Variants in SMS observed in about 807,000 individuals in gnomAD.
The protein encoded by SMS is spermidine aminopropyltransferase.
A neutral mutation model predicts 33.0 loss-of-function variants in SMS; 3 were observed. The ratio of observed to expected loss-of-function variants is 0.09; its 90% confidence interval spans 0.04 to 0.23. The LOEUF (loss-of-function observed/expected upper bound fraction) is 0.23. SMS is among the 10% of genes least tolerant of loss of function. The probability of loss-of-function intolerance (pLI) is 1.00; values close to 1 mark genes in which losing one functional copy is unlikely to be tolerated. For missense variants in SMS, 117 were observed against 288.6 expected, an observed-to-expected ratio of 0.41 and a Z score of 4.31; for synonymous variants, 103 against 112.2, an observed-to-expected ratio of 0.92 and a Z score of 0.52.
chrX:21,967,395 C>T, intron 2 of SMS, 79 bp downstream of exon 2: 1 of 1,083,650 alleles, frequency 9.2e-7, no homozygotes, highest in South Asian at 1.9e-5. Flanking sequence ...ATGGGGGTGG[C>T]ATCCGGCATT....
intron 7 of SMS, among the ~76,000 whole-genome samples, chrX:21,980,730 A>G (rs1225837356): frequency 9.0e-6 from 1 of 110,968 alleles, no homozygotes; most frequent in African/African-American, 3.3e-5. Flanking sequence ...AAATCTAATT[A>G]TTTGTAGATG....
intron 7 of SMS, among the ~76,000 whole-genome samples, chrX:21,979,320 C>G (rs1331407473): frequency 2.7e-5 from 3 of 110,378 alleles, no homozygotes; most frequent in Non-Finnish European, 5.7e-5. Flanking sequence ...GCCCTGCATG[C>G]GTTAGGTATT....
At chrX:21,950,329 G>T (rs889136405) in intron 1 of SMS, among the ~76,000 whole-genome samples, 3 of 110,808 alleles carry the variant, frequency 2.7e-5, no homozygotes, top group African/African-American at 6.6e-5. Flanking sequence ...TTGTTCCTAC[G>T]TGGGGGTTTG....
In SMS at chrX:21,972,981, A is replaced by G. The variant is rs150380757; in HGVS notation, c.329+410A>G. Among the ~76,000 whole-genome samples, 1,057 of 109,644 alleles carry G rather than the reference A, an allele frequency of 9.6e-3. 4 individuals are homozygous for G. Among genetic ancestry groups the G allele is most frequent in the Middle Eastern group, 0.047 (10 of 214 alleles). ...TGGTCCCCAGTAGTGTCTGCTTAAG[A>G]TGTGGAAAAGATCAAACTCAGCACC... On this transcript the variant is annotated intron_variant, in intron 4 of 10. Transcript: ENST00000404933.
intron 4 of SMS, 98 bp from the exon 5 acceptor site, chrX:21,976,963 C>A: frequency 1.2e-6 from 1 of 806,859 alleles, no homozygotes; most frequent in Non-Finnish European, 1.9e-6. Flanking sequence ...TGTCAAAAGT[C>A]GGCAGTCATG....
At chrX:21,991,105 A>G (rs996475572) in intron 9 of SMS, among the ~76,000 whole-genome samples, 2 of 112,589 alleles carry the variant, frequency 1.8e-5, no homozygotes, top group Non-Finnish European at 3.7e-5. Flanking sequence ...GAGTTCTTAC[A>G]TCACAGGCTG....
intron 10 of SMS, 64 bp from the exon 11 acceptor site, chrX:21,994,248 G>A (rs897090798): frequency 3.1e-5 from 32 of 1,029,256 alleles, no homozygotes; most frequent in Non-Finnish European, 4.1e-5. Context: ...GCCAGCAAAC[G>A]AATTACAAGT....
rs1347348299 is a variant in SMS at position 21,985,181 on chromosome X, C to G, written c.903C>G (p.Leu301=). 2.5e-6 allele frequency: 3 copies of G among 1,192,563 alleles called. No individual in the cohort carries two copies. Among genetic ancestry groups the G allele is most frequent in the African/African-American group, 3.5e-5 (2 of 56,967 alleles). The change falls in exon 9 of 11, where the codon CTC becomes CTG. Residue 301 remains leucine, a synonymous_variant. Coordinates refer to ENST00000404933, the MANE Select transcript of SMS (RefSeq NM_004595.5). ...TWEFLRLILD[L]SMKVLKQDGK... is the part of the protein sequence containing the mutation. ...AGTTTCTCAGACTGATTCTTGACCTCTCAATGAAAGTGTTGAAACAGGATG... is the reference window on the plus strand; with the variant it reads ...AGTTTCTCAGACTGATTCTTGACCTGTCAATGAAAGTGTTGAAACAGGATG...
intron 1 of SMS, among the ~76,000 whole-genome samples, chrX:21,964,761 C>T (rs1043656640): frequency 2.7e-5 from 3 of 112,096 alleles, no homozygotes; most frequent in African/African-American, 9.7e-5. Context: ...TATGTTTTCA[C>T]TGCCACTTTT....
chrX:21,972,235 T>C (rs1048488478), intron 3 of SMS, among the ~76,000 whole-genome samples: 1 of 112,081 alleles, frequency 8.9e-6, no homozygotes, highest in Non-Finnish European at 1.9e-5. Flanking sequence ...AGAAAACCTT[T>C]AACCAGGATT....
At chrX:21,993,554 G>A (rs1316030226) in intron 10 of SMS, among the ~76,000 whole-genome samples, 1 of 112,103 alleles carries the variant, frequency 8.9e-6, no homozygotes, top group African/African-American at 3.2e-5. Flanking sequence ...AGTGAGGCCT[G>A]GTCCCATCAG....
At chrX:21,978,688 AAAG>A (rs1365979900) in intron 6 of SMS, among the ~76,000 whole-genome samples, 186 bp from the exon 7 acceptor site, 1 of 112,659 alleles carries the variant, frequency 8.9e-6, no homozygotes, top group Non-Finnish European at 1.9e-5. Flanking sequence ...CATGAGGAGA[AAAG>A]AAGATTAAGT....
intron 3 of SMS, 110 bp from the exon 4 acceptor site, chrX:21,972,397 C>G (rs1924229329): frequency 1.8e-6 from 1 of 540,545 alleles, no homozygotes; most frequent in Non-Finnish European, 3.3e-6. Flanking sequence ...GGAGGAGGGA[C>G]AGGTCAATCT....
chrX:21,969,260 A>G (rs1923953820), intron 2 of SMS, among the ~76,000 whole-genome samples: 1 of 111,897 alleles, frequency 8.9e-6, no homozygotes, highest in Non-Finnish European at 1.9e-5. Context: ...CCAGGCTTGT[A>G]TTTCTAACTG....
chrX:21,969,709 A>G (rs1038559068), intron 2 of SMS, among the ~76,000 whole-genome samples: 1 of 112,798 alleles, frequency 8.9e-6, no homozygotes, highest in African/African-American at 3.2e-5. Flanking sequence ...CAGGAGACTT[A>G]GAATTCTTCC....
intron 1 of SMS, among the ~76,000 whole-genome samples, chrX:21,951,904 G>A (rs1374306201): frequency 8.9e-6 from 1 of 111,822 alleles, no homozygotes; most frequent in Non-Finnish European, 1.9e-5. Flanking sequence ...ACACTATGGG[G>A]TTAGGGAAAT....
In SMS at chrX:21,994,806, G is replaced by T; in HGVS notation, c.*455G>T. On this transcript the variant is annotated 3_prime_UTR_variant, in exon 11 of 11. Transcript: ENST00000404933. The stretch of plus-strand genomic sequence containing the variant: ...TATAAGAGAGAGTTAAAAAAAAATA[G>T]GATTGCTTCAATTAAAATTACAAAA... 1 of 752,319 alleles carries T rather than the reference G, an allele frequency of 1.3e-6. No individual in the cohort carries two copies. The highest frequency in any genetic ancestry group is 8.5e-5 in the Admixed American group (1 of 11,816). 62.0% of individuals were successfully genotyped at this position (752,319 alleles called of 1,213,427 possible). A position where few individuals can be genotyped will look rare whatever the true frequency, so the allele number is the denominator to read the frequency against.
intron 1 of SMS, among the ~76,000 whole-genome samples, chrX:21,953,780 A>G (rs187163381): frequency 2.7e-5 from 3 of 111,497 alleles, no homozygotes; most frequent in East Asian, 5.6e-4. Flanking sequence ...AATATTGGCA[A>G]TCTGGTTTTT....
At position 21,987,300 on chromosome X, in the gene SMS, A is replaced by G. The variant is rs1392402643; in HGVS notation, c.945+2077A>G. 6.3e-5 allele frequency among the ~76,000 whole-genome samples: 7 copies of G among 111,204 alleles called. No individual in the cohort carries two copies. The Admixed American group carries it at 6.7e-4, about 11-fold the overall frequency. Reference sequence around the variant, plus strand: ...GCGCGAGCCACTGCGCCCAGCCATGATGGGTACTTTTTAAGCAGAGCATAT... The same window carrying G: ...GCGCGAGCCACTGCGCCCAGCCATGGTGGGTACTTTTTAAGCAGAGCATAT... On this transcript the variant is annotated intron_variant, in intron 9 of 10. Transcript: ENST00000404933.
Sources: gnomAD v4.1 joint callset for allele counts (sites outside exome capture counted in the v4.1 genomes callset) on GRCh38, gnomAD v4.1.1 for gene constraint, MANE v1.5 for transcripts, NCBI Gene and HGNC (gene_info 2026-07-23, HGNC 2026-07-21) for gene names.